OTOF: variants seen among roughly 807,000 people sequenced by gnomAD.
The protein encoded by OTOF is otoferlin.
OTOF carries 218 observed loss-of-function variants against 236.8 expected under a neutral mutation model. The observed-to-expected ratio is 0.92, with a 90% CI of 0.82 to 1.03. The LOEUF is 1.03. Among genes scored for constraint, OTOF ranks in the 50% least tolerant of loss-of-function variants. The pLI is 0.00. For missense variants in OTOF, 2,590 were observed against 2,694.4 expected (o/e 0.96, Z 0.86); for synonymous variants, 1,041 against 1,072.5 (o/e 0.97, Z 0.57).
rs150132765 is a variant in OTOF at position 26,527,907 on chromosome 2, G to A, written c.152C>T (p.Pro51Leu). 4.7e-4 allele frequency: 757 copies of A among 1,613,840 alleles called. No individual in the cohort carries two copies. The highest frequency in any genetic ancestry group is 5.7e-4 in the Non-Finnish European group (670 of 1,179,852). Residue 51 changes from proline (P) to leucine (L), a missense_variant, in exon 3 of 47, where the codon CCG (proline) becomes CTG (leucine). By Grantham distance (98) the Pro-to-Leu change is moderately conservative. This residue lies in a region of OTOF where 1,379 missense variants were observed against 1,341.6 expected (regional missense o/e 1.03). Transcript: ENST00000272371. ...ATTTCTGTCGATGCTGCTGGCCACC[G>A]GCCACCGAAATGTCTGGGGAGAGAG... ...VADFDETFRW[P>L]VASSIDRNEM...
At position 26,480,809 on chromosome 2, in the gene OTOF, C is replaced by T. The variant is rs397515588; in HGVS notation, c.1780G>A (p.Glu594Lys). The T allele has an allele frequency of 1.2e-6, 2 of 1,612,504 alleles. No individual in the cohort carries two copies. Among genetic ancestry groups the T allele is most frequent in the East Asian group, 4.5e-5 (2 of 44,850 alleles). The stretch of plus-strand genomic sequence containing the variant: ...ACCTCCGAGATGGGCGTGGCCTGCT[C>T]CACCTGCACCTCTGTGGAGCTGGTG... ...ELTSSTEVQV[E>K]QATPISESCA... The change falls in exon 15 of 47, where the codon GAG becomes AAG. Residue 594 changes from glutamate (E) to lysine (K), a missense_variant. Glu to Lys is a moderately conservative substitution (Grantham distance 56). Around this residue, in one of 2 missense-constraint regions of OTOF, gnomAD observed 1,379 missense variants for 1,341.6 expected, o/e 1.03. Coordinates refer to ENST00000272371, the MANE Select transcript of OTOF (RefSeq NM_194248.3).
Position 26,467,026 on chromosome 2 carries a change from G to A in OTOF, c.4362+73C>T, listed in dbSNP as rs555920610. Reference sequence around the variant, plus strand: ...GGCAGTGGCCGGGGCAGTGGTGGGAGGTGAGTGGGGGAACCTGTGGGGGGG... The same window carrying A: ...GGCAGTGGCCGGGGCAGTGGTGGGAAGTGAGTGGGGGAACCTGTGGGGGGG... On this transcript the variant is annotated intron_variant, in intron 35 of 46. Coordinates refer to ENST00000272371, the MANE Select transcript of OTOF (RefSeq NM_194248.3). 15 of 1,585,290 alleles carry A rather than the reference G, an allele frequency of 9.5e-6. No individual in the cohort carries two copies. The East Asian group carries it at 3.4e-4, about 35-fold the overall frequency.
intron 9 of OTOF, among the ~76,000 whole-genome samples, chr2:26,494,676 G>T (rs1665934285): frequency 6.6e-6 from 1 of 151,228 alleles, no homozygotes; most frequent in Admixed American, 6.6e-5. Context: ...TTCTTTCACA[G>T]GCACTGCTGG....
chr2:26,554,051 G>A (rs558765801), intron 1 of OTOF, among the ~76,000 whole-genome samples: 90 of 150,850 alleles, frequency 6.0e-4, no homozygotes, highest in African/African-American at 2.1e-3. Flanking sequence ...TGTGCCTGTA[G>A]TCCCAGCTAC....
chr2:26,551,085 G>A (rs1311249434), intron 1 of OTOF, among the ~76,000 whole-genome samples: 1 of 152,188 alleles, frequency 6.6e-6, no homozygotes, highest in African/African-American at 2.4e-5. Flanking sequence ...TGCCTCCTGG[G>A]TTCAAGCGAT....
At chr2:26,501,718 G>A (rs933043708) in intron 8 of OTOF, 36 bp downstream of exon 8, 2 of 1,481,284 alleles carry the variant, frequency 1.4e-6, no homozygotes, top group African/African-American at 2.8e-5. Context: ...CTAGAGCAGA[G>A]TCTGAAAGAC....
At chr2:26,554,830 C>T (rs1008872887) in intron 1 of OTOF, among the ~76,000 whole-genome samples, 1 of 152,120 alleles carries the variant, frequency 6.6e-6, no homozygotes, top group African/African-American at 2.4e-5. Context: ...GCCCTGCAAA[C>T]CTTTGTGCCA....
At position 26,505,615 on chromosome 2, in the gene OTOF, C is replaced by T. The variant is rs75182815; in HGVS notation, c.510-1770G>A. 2.0e-5 allele frequency among the ~76,000 whole-genome samples: 3 copies of T among 152,204 alleles called. No homozygotes were observed. The East Asian group carries it at 5.8e-4, about 29-fold the overall frequency. ...TGAGGCTCAGAGAGGGGACAATAAT[C>T]GCGAGGTCACACGGTGAGTGGCAGA... On this transcript the variant is annotated intron_variant, in intron 5 of 46. Coordinates refer to ENST00000272371, the MANE Select transcript of OTOF (RefSeq NM_194248.3).
intron 1 of OTOF, 151 bp downstream of exon 1, chr2:26,558,342 A>T: frequency 1.4e-6 from 1 of 700,744 alleles, no homozygotes; most frequent in Non-Finnish European, 2.6e-6. Context: ...TCCCAGGCAG[A>T]TGACTACCTG....
rs774530840 is a variant in OTOF, at chr2:26,558,532, G to A, written c.40C>T (p.Arg14Trp). The A allele has an allele frequency of 6.4e-5, 104 of 1,613,898 alleles. No individual in the cohort carries two copies. In the South Asian group the frequency reaches 8.3e-4, roughly 13 times the overall value. Residue 14 changes from arginine (R) to tryptophan (W), a missense_variant, in exon 1 of 47, where the codon CGG becomes TGG. Physicochemically the swap from Arg to Trp is moderately radical, Grantham distance 101 (BLOSUM62 -3). Transcript: ENST00000272371. ...TTGGCGATCCGGTCGCCCCTGCCCCGCAGCTCCGAGACTGTCTTGAGGTGG... is the reference window on the plus strand; with the variant it reads ...TTGGCGATCCGGTCGCCCCTGCCCCACAGCTCCGAGACTGTCTTGAGGTGG... ...LIHLKTVSEL[R>W]GRGDRIAKVT... is the part of the protein sequence containing the mutation.
chr2:26,497,075 C>A (rs1309550067), intron 8 of OTOF, among the ~76,000 whole-genome samples: 3 of 148,030 alleles, frequency 2.0e-5, no homozygotes. Context: ...AAGCATGGAC[C>A]TCTGTACATT....
In OTOF at chr2:26,503,784, G is replaced by T. The variant is rs775692695; in HGVS notation, c.571C>A (p.Pro191Thr). The stretch of plus-strand genomic sequence containing the variant: ...GCACCTGTCCTACCTGGTCTTTGGG[G>T]CTCCTCCTTGTGAGACCGGTTTTTG... Reference protein sequence around the residue: ...LGKNRSHKEEPQRPDEPAVLE... With the variant: ...LGKNRSHKEETQRPDEPAVLE... The change falls in exon 6 of 47, where the codon CCC becomes ACC. Residue 191 changes from proline to threonine, a missense_variant. Around this residue, in one of 2 missense-constraint regions of OTOF, gnomAD observed 1,379 missense variants for 1,341.6 expected, o/e 1.03. Transcript: ENST00000272371. The T allele has an allele frequency of 1.2e-6, 2 of 1,613,944 alleles. No homozygotes were observed. The highest frequency in any genetic ancestry group is 1.7e-6 in the Non-Finnish European group (2 of 1,179,818).
chr2:26,486,157 G>A (rs886127463), intron 11 of OTOF, among the ~76,000 whole-genome samples: 4 of 152,046 alleles, frequency 2.6e-5, no homozygotes, highest in Non-Finnish European at 5.9e-5. Flanking sequence ...TATATGGATG[G>A]GTGGGTGGAT....
chr2:26,508,821 T>G (rs1451340142), intron 5 of OTOF, among the ~76,000 whole-genome samples: 1 of 152,222 alleles, frequency 6.6e-6, no homozygotes, highest in South Asian at 2.1e-4. Context: ...GTCTCCACAG[T>G]TTTCTCTCCT....
At chr2:26,491,558 T>G (rs573211736) in intron 9 of OTOF, among the ~76,000 whole-genome samples, 1 of 152,256 alleles carries the variant, frequency 6.6e-6, no homozygotes, top group South Asian at 2.1e-4. Context: ...AGAGTTGGGC[T>G]GTGCAATGCC....
Position 26,476,035 on chromosome 2 carries a change from T to C in OTOF, c.2870A>G (p.Lys957Arg), listed in dbSNP as rs763893792. Residue 957 changes from lysine to arginine, a missense_variant, in exon 24 of 47, where the codon AAG becomes AGG. By Grantham distance (26) the Lys-to-Arg change is conservative. Around this residue, in one of 2 missense-constraint regions of OTOF, gnomAD observed 1,379 missense variants for 1,341.6 expected, o/e 1.03. Coordinates refer to ENST00000272371, the MANE Select transcript of OTOF (RefSeq NM_194248.3). ...FPPVSLVYTK[K>R]QAFQLRAHMY... ...GTGCGCTCGGAGCTGGAACGCCTGC[T>C]TCTCTGTGGGGAAGGGCAGCCTGAG... 3.6e-5 allele frequency: 58 copies of C among 1,612,668 alleles called. No individual in the cohort carries two copies. Among genetic ancestry groups the C allele is most frequent in the Middle Eastern group, 3.3e-4 (2 of 6,062 alleles).
intron 1 of OTOF, among the ~76,000 whole-genome samples, chr2:26,543,412 G>A (rs1238065612): frequency 8.5e-5 from 13 of 152,198 alleles, no homozygotes; most frequent in Non-Finnish European, 1.5e-4. Flanking sequence ...GGACCATCAC[G>A]AGGATGACAA....
At position 26,477,550 on chromosome 2, in the gene OTOF, G is replaced by T. The variant is rs183522220; in HGVS notation, c.2316-44C>A. 372 of 1,594,120 alleles carry T rather than the reference G, an allele frequency of 2.3e-4. No individual in the cohort carries two copies. In the African/African-American group the frequency reaches 4.6e-3, roughly 20 times the overall value. On this transcript the variant is annotated intron_variant, in intron 19 of 46. Transcript: ENST00000272371. The surrounding 1 kb of genome is among the most constrained non-coding windows in gnomAD (Gnocchi z 4.7). ...GGGGTTTAGCGAGCCTGACCAGCAG[G>T]GGCTCTGTAGATTCTTCCTCATCTG... is the stretch of plus-strand genomic sequence containing the variant.
intron 39 of OTOF, 110 bp downstream of exon 39, chr2:26,464,759 T>G: frequency 9.0e-7 from 1 of 1,108,928 alleles, no homozygotes; most frequent in Non-Finnish European, 1.3e-6. Flanking sequence ...AGGTTTAGGC[T>G]GAGGACACCC....
Sources: allele counts gnomAD v4.1 joint callset (sites outside exome capture counted in the v4.1 genomes callset), GRCh38; gene constraint gnomAD v4.1.1; regional missense constraint gnomAD v4.1.1; non-coding constraint Gnocchi (gnomAD v3.1); transcripts MANE v1.5; gene names NCBI Gene and HGNC (gene_info 2026-07-23, HGNC 2026-07-21).